The following CYTH4 variants were observed in gnomAD, a reference collection of about 807,000 sequenced individuals.
CYTH4 encodes the protein cytohesin-4.
In CYTH4, 22 loss-of-function variants were observed where a neutral mutation model predicts 57.5. The observed-to-expected ratio is 0.38, with a 90% CI of 0.27 to 0.55. CYTH4 has a LOEUF of 0.55. CYTH4 is among the 20% of genes least tolerant of loss of function. The probability of loss-of-function intolerance (pLI) is 0.74; values close to 1 mark genes in which losing one functional copy is unlikely to be tolerated. For synonymous variants in CYTH4, 186 were observed against 206.5 expected (o/e 0.90, Z 0.85); for missense variants, 420 against 535.6 (o/e 0.78, Z 2.13).
At chr22:37,297,251 T>A (rs1260823423) in intron 4 of CYTH4, among the ~76,000 whole-genome samples, 1 of 152,098 alleles carries the variant, frequency 6.6e-6, no homozygotes, top group Admixed American at 6.5e-5. Flanking sequence ...AATCTCAGAA[T>A]CACAAATTCC....
Position 37,308,888 on chromosome 22 carries a change from G to A in CYTH4, c.697-324G>A, listed in dbSNP as rs113262372. Among the ~76,000 whole-genome samples the A allele has an allele frequency of 9.8e-3, 1,477 of 150,644 alleles. 30 individuals carry two copies. The highest frequency in any genetic ancestry group is 0.035 in the African/African-American group (1,400 of 40,084). ...CATACATGTGCGTGTGTGTGCACGT[G>A]TGTGTGTGTAAGCATGTATATTTGT... is the stretch of plus-strand genomic sequence containing the variant. On this transcript the variant is annotated intron_variant, in intron 8 of 12. Transcript: ENST00000248901.
chr22:37,289,004 C>T (rs146625146), intron 1 of CYTH4, among the ~76,000 whole-genome samples: 106 of 152,300 alleles, frequency 7.0e-4, no homozygotes, highest in African/African-American at 2.5e-3. Context: ...CTGGCTGAGG[C>T]TCTGTGGGCA....
rs1291227151 is a variant in CYTH4, at chr22:37,309,262, C to T, written c.747C>T (p.Asp249=). Residue 249 remains aspartate (D), a synonymous_variant, in exon 9 of 13, where the codon GAC becomes GAT. Coordinates refer to ENST00000248901, the MANE Select transcript of CYTH4 (RefSeq NM_013385.5). The stretch of plus-strand genomic sequence containing the variant: ...AGCCATTCTCCATCCCTGAGGACGA[C>T]GGCAATGACCTCACTCACACCTTCT... ...KSEPFSIPED[D]GNDLTHTFFN... 9.9e-6 allele frequency: 16 copies of T among 1,614,024 alleles called. No individual in the cohort carries two copies. Among genetic ancestry groups the T allele is most frequent in the African/African-American group, 8.0e-5 (6 of 74,932 alleles).
chr22:37,289,029 A>G (rs909794146), intron 1 of CYTH4, among the ~76,000 whole-genome samples: 5 of 152,152 alleles, frequency 3.3e-5, no homozygotes, highest in African/African-American at 9.7e-5. Flanking sequence ...AGGCAAACAC[A>G]TTTCCAACAC....
chr22:37,308,391 AGT>A (rs1929480241), intron 8 of CYTH4, among the ~76,000 whole-genome samples: 1 of 150,876 alleles, frequency 6.6e-6, no homozygotes, highest in African/African-American at 2.4e-5. Flanking sequence ...GTATATTGTC[AGT>A]GTGCATGCAT....
chr22:37,303,479 G>A (rs1929273099), intron 8 of CYTH4, 77 bp downstream of exon 8: 1 of 1,511,520 alleles, frequency 6.6e-7, no homozygotes, highest in Non-Finnish European at 8.8e-7. Flanking sequence ...TGGCCCGGGA[G>A]GGGCTCCTCT....
chr22:37,309,412 C>A, intron 9 of CYTH4, 89 bp downstream of exon 9: 2 of 1,171,138 alleles, frequency 1.7e-6, no homozygotes, highest in Non-Finnish European at 2.5e-6. Flanking sequence ...GACGCACAGG[C>A]CCCCAGCTGA....
intron 8 of CYTH4, among the ~76,000 whole-genome samples, chr22:37,306,185 G>T (rs537911553): frequency 6.6e-6 from 1 of 152,312 alleles, no homozygotes; most frequent in South Asian, 2.1e-4. Context: ...TGAGGGCTGT[G>T]GGAGGGGGAG....
At position 37,287,949 on chromosome 22, in the gene CYTH4, G is replaced by A. The variant is rs534823980; in HGVS notation, c.20-4672G>A. Among the ~76,000 whole-genome samples the A allele has an allele frequency of 7.8e-4, 118 of 152,228 alleles. No homozygotes were observed. In the Middle Eastern group the frequency reaches 0.01, roughly 13 times the overall value. ...TAAGTGTCCCCGCCAACTCCCTCCTGGAAACAGTACCTCTAGACCTGCAGA... is the reference window on the plus strand; with the variant it reads ...TAAGTGTCCCCGCCAACTCCCTCCTAGAAACAGTACCTCTAGACCTGCAGA... On this transcript the variant is annotated intron_variant, in intron 1 of 12. Coordinates refer to ENST00000248901, the MANE Select transcript of CYTH4 (RefSeq NM_013385.5).
chr22:37,303,320 G>C lies in CYTH4; in HGVS notation c.614G>C (p.Arg205Pro). The C allele has an allele frequency of 6.2e-7, 1 of 1,614,162 alleles. No homozygotes were observed. Among genetic ancestry groups the C allele is most frequent in the Non-Finnish European group, 8.5e-7 (1 of 1,180,016 alleles). Residue 205 changes from arginine (R) to proline (P), a missense_variant, in exon 8 of 13, where the codon CGG becomes CCG. Arg to Pro is a moderately radical substitution (Grantham distance 103). Transcript: ENST00000248901. The part of the protein sequence containing the change: ...LNTSLHNPNV[R>P]DRPPFERFVS... ...ACCAGCCTCCACAATCCCAACGTCC[G>C]GGACAGGCCGCCTTTTGAGCGCTTT... is the stretch of plus-strand genomic sequence containing the variant.
chr22:37,312,961 C>T (rs1346456767), intron 12 of CYTH4, among the ~76,000 whole-genome samples: 2 of 152,236 alleles, frequency 1.3e-5, no homozygotes, highest in African/African-American at 2.4e-5. Flanking sequence ...GGTCTTTTCC[C>T]CTGGGCCTTG....
At chr22:37,307,133 G>A (rs1201606170) in intron 8 of CYTH4, among the ~76,000 whole-genome samples, 1 of 152,238 alleles carries the variant, frequency 6.6e-6, no homozygotes, top group Non-Finnish European at 1.5e-5. Context: ...CCAGCCAGGA[G>A]GAGACAGCTA....
chr22:37,311,931 G>C lies in CYTH4; in HGVS notation c.958-89G>C. 1 of 1,505,446 alleles carries C rather than the reference G, an allele frequency of 6.6e-7. No individual in the cohort carries two copies. Among genetic ancestry groups the C allele is most frequent in the Non-Finnish European group, 9.0e-7 (1 of 1,106,100 alleles). 93.3% of individuals were successfully genotyped at this position (1,505,446 alleles called of 1,614,324 possible). A position where few individuals can be genotyped will look rare whatever the true frequency, so the allele number is the denominator to read the frequency against. ...GTCGTAGGGCTGTCACGCTGATCAGGGACACTAGCGTCTGGGCTTCTCTGA... is the reference window on the plus strand; with the variant it reads ...GTCGTAGGGCTGTCACGCTGATCAGCGACACTAGCGTCTGGGCTTCTCTGA... On this transcript the variant is annotated intron_variant, in intron 11 of 12. Transcript: ENST00000248901. The surrounding 1 kb of genome is among the most constrained non-coding windows in gnomAD (Gnocchi z 4.4).
chr22:37,282,860 T>A (rs1928414852), intron 1 of CYTH4, among the ~76,000 whole-genome samples: 1 of 152,068 alleles, frequency 6.6e-6, no homozygotes, highest in African/African-American at 2.4e-5. Flanking sequence ...ATTCCATATG[T>A]CAGTTGATGG....
intron 1 of CYTH4, among the ~76,000 whole-genome samples, chr22:37,291,544 C>A (rs1478033692): frequency 6.6e-6 from 1 of 152,162 alleles, no homozygotes. Context: ...GCGGCCTGGG[C>A]AAACATGGGG....
In CYTH4 at chr22:37,312,099, T is replaced by C. The variant is rs770381001; in HGVS notation, c.1037T>C (p.Val346Ala). 8 of 1,613,880 alleles carry C rather than the reference T, an allele frequency of 5.0e-6. No individual in the cohort carries two copies. The South Asian group carries it at 6.6e-5, about 13-fold the overall frequency. Reference protein sequence around the residue: ...ACKTDGDGRVVEGKHESYRIS... With the variant: ...ACKTDGDGRVAEGKHESYRIS... ...AAGACCGATGGCGACGGCAGGGTGG[T>C]GGAGGGCAAGCACGAATCGTACCGC... Residue 346 changes from valine (V) to alanine (A), a missense_variant, in exon 12 of 13, where the codon GTG becomes GCG. By Grantham distance (64) the Val-to-Ala change is moderately conservative (BLOSUM62 0). Coordinates refer to ENST00000248901, the MANE Select transcript of CYTH4 (RefSeq NM_013385.5).
Position 37,311,496 on chromosome 22 carries a change from C to T in CYTH4, c.926C>T (p.Ser309Leu), listed in dbSNP as rs1264676210. 1.9e-6 allele frequency: 3 copies of T among 1,613,938 alleles called. No homozygotes were observed. Among genetic ancestry groups the T allele is most frequent in the African/African-American group, 1.3e-5 (1 of 74,912 alleles). The change falls in exon 11 of 13, where the codon TCG (serine) becomes TTG (leucine). Residue 309 changes from serine (S) to leucine (L), a missense_variant. By Grantham distance (145) the Ser-to-Leu change is moderately radical. Coordinates refer to ENST00000248901, the MANE Select transcript of CYTH4 (RefSeq NM_013385.5). This position sits in a 1 kb window ranked among gnomAD's most constrained non-coding sequence, Gnocchi z 4.4. ...GGAATTATACCTCTTGAGAACCTCT[C>T]GGTGCAGAAGGTGGATGACCCCAAG... The part of the protein sequence containing the change: ...PRGIIPLENL[S>L]VQKVDDPKKP...
chr22:37,304,276 G>T, intron 8 of CYTH4: 1 of 456,734 alleles, frequency 2.2e-6, no homozygotes, highest in Non-Finnish European at 4.4e-6. Context: ...GAGGTGTCCA[G>T]TGTGGCCGAG....
intron 8 of CYTH4, among the ~76,000 whole-genome samples, chr22:37,305,330 C>T (rs1417425412): frequency 2.0e-5 from 3 of 152,084 alleles, no homozygotes; most frequent in Non-Finnish European, 4.4e-5. Flanking sequence ...CAAAATCTGC[C>T]CGGGAGGTTT....
Sources: allele counts gnomAD v4.1 joint callset (sites outside exome capture counted in the v4.1 genomes callset), GRCh38; gene constraint gnomAD v4.1.1; non-coding constraint Gnocchi (gnomAD v3.1); transcripts MANE v1.5; gene names NCBI Gene and HGNC (gene_info 2026-07-23, HGNC 2026-07-21).